The following DNM1 variants were observed in gnomAD, a reference collection of about 807,000 sequenced individuals.
DNM1 encodes dynamin-1.
A neutral mutation model predicts 104.6 loss-of-function variants in DNM1; 29 were observed. That is an observed-to-expected ratio of 0.28 (90% CI 0.21 to 0.38). DNM1 has a LOEUF of 0.38. Ranked by LOEUF, DNM1 falls within the 10% of genes least tolerant of loss-of-function variation. The probability of loss-of-function intolerance (pLI) is 1.00; values close to 1 mark genes in which losing one functional copy is unlikely to be tolerated. For missense variants in DNM1, 640 were observed against 1,189.4 expected, an observed-to-expected ratio of 0.54 and a Z score of 6.79; for synonymous variants, 445 against 475.8, an observed-to-expected ratio of 0.94 and a Z score of 0.84.
chr9:128,215,419 C>T (rs1273956780), intron 1 of DNM1, among the ~76,000 whole-genome samples: 2 of 152,250 alleles, frequency 1.3e-5, no homozygotes, highest in East Asian at 1.9e-4. Flanking sequence ...ATGCAGGCCG[C>T]GTGAGGGCCT....
chr9:128,242,458 T>C, intron 15 of DNM1, 113 bp downstream of exon 15: 1 of 621,170 alleles, frequency 1.6e-6, no homozygotes, highest in Non-Finnish European at 2.9e-6. Context: ...TTAAAATGTC[T>C]CGTCAAAGAT....
chr9:128,219,355 A>G (rs1588353350), intron 4 of DNM1, 103 bp downstream of exon 4: 1 of 1,051,880 alleles, frequency 9.5e-7, no homozygotes, highest in East Asian at 2.4e-5. Flanking sequence ...TAGCGGTGGG[A>G]TCAGATTTGT....
chr9:128,228,039 GT>G (rs1208971409), intron 10 of DNM1, among the ~76,000 whole-genome samples: 1 of 151,396 alleles, frequency 6.6e-6, no homozygotes, highest in Non-Finnish European at 1.5e-5. Flanking sequence ...TTGTTTGTTT[GT>G]TTGTTTTTGG....
intron 1 of DNM1, among the ~76,000 whole-genome samples, chr9:128,208,004 C>T (rs1382687969): frequency 6.6e-6 from 1 of 151,960 alleles, no homozygotes. Context: ...CCCCCACCCC[C>T]AGGCTTTCTG....
At position 128,220,883 on chromosome 9, in the gene DNM1, TG is replaced by T. The variant is rs1453606036; in HGVS notation, c.849+543del. 6.5e-5 allele frequency among the ~76,000 whole-genome samples: 9 copies of T among 138,156 alleles called. No homozygotes were observed. The highest frequency in any genetic ancestry group is 1.3e-4 in the African/African-American group (5 of 37,330). The allele number at this position is 138,156 out of a possible 152,430, so 90.6% of individuals were successfully genotyped here. On this transcript the variant is annotated intron_variant, in intron 6 of 21. Transcript: ENST00000372923. This position sits in a 1 kb window ranked among gnomAD's most constrained non-coding sequence, Gnocchi z 5.2. ...AGCCTCTATTTCTTTTTTCTTTATT[TG>T]TTTTCTTTCTTTCTTTCTTTCTTTC...
rs1835255129 is a variant in DNM1, at chr9:128,224,972, A to G, written c.1335+583A>G. On this transcript the variant is annotated intron_variant, in intron 10 of 21. Coordinates refer to ENST00000372923, the MANE Select transcript of DNM1 (RefSeq NM_004408.4). This position sits in a 1 kb window ranked among gnomAD's most constrained non-coding sequence, Gnocchi z 4.3. ...GGGCCTCTCCCTCCCTTCCATCCAC[A>G]TCTGGCTTTCCAGGGATAGAGCCCT... Among the ~76,000 whole-genome samples the G allele has an allele frequency of 6.6e-6, 1 of 151,970 alleles. No individual in the cohort carries two copies. Among genetic ancestry groups the G allele is most frequent in the African/African-American group, 2.4e-5 (1 of 41,372 alleles).
In DNM1 at chr9:128,218,683, A is replaced by C; in HGVS notation, c.337A>C (p.Lys113Gln). ...AETDRVTGTNKGISPVPINLR... is the reference protein window; with the variant it reads ...AETDRVTGTNQGISPVPINLR... ...GACCGACAGGGTCACCGGCACCAAC[A>C]AGGGCATCTCGCCGGTGCCTATCAA... Residue 113 changes from lysine (K) to glutamine (Q), a missense_variant, in exon 3 of 22, where the codon AAG becomes CAG. Coordinates refer to ENST00000372923, the MANE Select transcript of DNM1 (RefSeq NM_004408.4). The surrounding 1 kb of genome is among the most constrained non-coding windows in gnomAD (Gnocchi z 4.8). 6.2e-7 allele frequency: 1 copy of C among 1,612,456 alleles called. No homozygotes were observed. The highest frequency in any genetic ancestry group is 8.5e-7 in the Non-Finnish European group (1 of 1,178,940).
rs754950978 is a variant in DNM1 at position 128,220,740 on chromosome 9, C to CGTGTGTGTGT, written c.849+400_849+401insTGTGTGTGTG. On this transcript the variant is annotated intron_variant, in intron 6 of 21. Transcript: ENST00000372923. This position sits in a 1 kb window ranked among gnomAD's most constrained non-coding sequence, Gnocchi z 5.2. ...TCCAGAACTGAAGTGCGCGCGCGCGCGCGTGTGTGTGTGTGTGTGTGTGTG... is the reference window on the plus strand; with the variant it reads ...TCCAGAACTGAAGTGCGCGCGCGCGCGTGTGTGTGTGCGTGTGTGTGTGTGTGTGTGTGTG... 0.056 allele frequency among the ~76,000 whole-genome samples: 7,005 copies of CGTGTGTGTGT among 125,392 alleles called. 200 individuals are homozygous for CGTGTGTGTGT. The highest frequency in any genetic ancestry group is 0.16 in the East Asian group (492 of 3,124). The allele number at this position is 125,392 out of a possible 152,430, so 82.3% of individuals were successfully genotyped here. A position where few individuals can be genotyped will look rare whatever the true frequency, so the allele number is the denominator to read the frequency against.
chr9:128,226,959 C>G (rs1156361013), intron 10 of DNM1, among the ~76,000 whole-genome samples: 3 of 151,454 alleles, frequency 2.0e-5, no homozygotes, highest in Non-Finnish European at 4.4e-5. Context: ...TGGGTGGAGG[C>G]ACATCCACCT....
At position 128,234,116 on chromosome 9, in the gene DNM1, C is replaced by G. The variant is rs760832551; in HGVS notation, c.1422+9C>G. On this transcript the variant is annotated intron_variant, in intron 11 of 21. Transcript: ENST00000372923. ...GCCGCACTAAGGAGCAGGTGAGCCCCGCAGCACCCGGCCTGGCCGCGCCTT... is the reference window on the plus strand; with the variant it reads ...GCCGCACTAAGGAGCAGGTGAGCCCGGCAGCACCCGGCCTGGCCGCGCCTT... The G allele has an allele frequency of 1.3e-6, 2 of 1,529,826 alleles. No individual in the cohort carries two copies. Among genetic ancestry groups the G allele is most frequent in the Non-Finnish European group, 1.8e-6 (2 of 1,134,774 alleles). The allele number at this position is 1,529,826 out of a possible 1,614,324, so 94.8% of individuals were successfully genotyped here. A position where few individuals can be genotyped will look rare whatever the true frequency, so the allele number is the denominator to read the frequency against.
chr9:128,223,199 G>A (rs1408321489), intron 9 of DNM1: 2 of 314,316 alleles, frequency 6.4e-6, no homozygotes, highest in East Asian at 7.6e-5. Context: ...CCACTACGAG[G>A]GCCTGGGGTG....
chr9:128,220,598 G>C lies in DNM1; in HGVS notation c.849+257G>C, dbSNP rs992579134. On this transcript the variant is annotated intron_variant, in intron 6 of 21. Transcript: ENST00000372923. This position sits in a 1 kb window ranked among gnomAD's most constrained non-coding sequence, Gnocchi z 5.2. ...CAGAGAAGGCCAAGACCTATGTGGA[G>C]GGTGTCATGGGGAAGAGCTTGGGTT... Among the ~76,000 whole-genome samples, 25 of 152,228 alleles carry C rather than the reference G, an allele frequency of 1.6e-4. No individual in the cohort carries two copies. Among genetic ancestry groups the C allele is most frequent in the Non-Finnish European group, 7.3e-5 (5 of 68,034 alleles).
chr9:128,246,975 G>A lies in DNM1; in HGVS notation c.1782-400G>A, dbSNP rs545565309. 162 of 229,854 alleles carry A rather than the reference G, an allele frequency of 7.0e-4. 2 individuals carry two copies. In the South Asian group the frequency reaches 9.4e-3, roughly 13 times the overall value. 14.2% of individuals were successfully genotyped at this position (229,854 alleles called of 1,614,324 possible). ...CTAGTCCTCTTCCTTCCTGACCCAA[G>A]GCTGACTCTAGTGGGCCCTCTGCTA... On this transcript the variant is annotated intron_variant, in intron 16 of 21. Transcript: ENST00000372923.
At position 128,224,072 on chromosome 9, in the gene DNM1, A is replaced by C. The variant is rs138722278; in HGVS notation, c.1197-179A>C. Reference sequence around the variant, plus strand: ...TCAAAAAAAATAACAACAACAACAAAAAACCCTTCATTAGAACCCCTCCCT... The same window carrying C: ...TCAAAAAAAATAACAACAACAACAACAAACCCTTCATTAGAACCCCTCCCT... On this transcript the variant is annotated intron_variant, in intron 9 of 21. Coordinates refer to ENST00000372923, the MANE Select transcript of DNM1 (RefSeq NM_004408.4). This position sits in a 1 kb window ranked among gnomAD's most constrained non-coding sequence, Gnocchi z 4.3. The C allele has an allele frequency of 1.7e-3, 1,268 of 726,096 alleles. 10 individuals carry two copies. Among genetic ancestry groups the C allele is most frequent in the Middle Eastern group, 9.5e-3 (23 of 2,412 alleles). The allele number at this position is 726,096 out of a possible 1,614,324, so 45.0% of individuals were successfully genotyped here.
At chr9:128,229,625 C>T (rs1388494511) in intron 10 of DNM1, among the ~76,000 whole-genome samples, 2 of 108,382 alleles carry the variant, frequency 1.8e-5, no homozygotes, top group Non-Finnish European at 3.8e-5. Flanking sequence ...AAAAAAAAAG[C>T]TTGGCCAGGT....
rs753258177 is a variant in DNM1 at position 128,220,360 on chromosome 9, A to T, written c.849+19A>T. 3 of 1,611,866 alleles carry T rather than the reference A, an allele frequency of 1.9e-6. No homozygotes were observed. Among genetic ancestry groups the T allele is most frequent in the Admixed American group, 1.7e-5 (1 of 60,018 alleles). ...CAATCAGGTAGGCGACCAAGCCAGG[A>T]TGGGGCCTGGGGAAACAAGCATGAA... is the stretch of plus-strand genomic sequence containing the variant. On this transcript the variant is annotated intron_variant, in intron 6 of 21. Coordinates refer to ENST00000372923, the MANE Select transcript of DNM1 (RefSeq NM_004408.4). The surrounding 1 kb of genome is among the most constrained non-coding windows in gnomAD (Gnocchi z 5.2).
At position 128,250,728 on chromosome 9, in the gene DNM1, GC is replaced by G; in HGVS notation, c.2325del (p.Thr776ArgfsTer112). ...VQSVPAGRRSPTSSPTPQRRA... is the reference protein window; with the variant it reads ...VQSVPAGRRSXTSSPTPQRRA... Reference sequence around the variant, plus strand: ...CCTCGCTCCCTGTCGCCCTCAGGTCGCCCACGTCCAGCCCCACGCCGCAGCG... The same window carrying G: ...CCTCGCTCCCTGTCGCCCTCAGGTCGCCACGTCCAGCCCCACGCCGCAGCG... On this transcript the variant is annotated frameshift_variant, in exon 21 of 22. Transcript: ENST00000372923. LOFTEE classifies it high-confidence loss of function. 6.8e-7 allele frequency: 1 copy of G among 1,460,550 alleles called. No individual in the cohort carries two copies. The highest frequency in any genetic ancestry group is 9.0e-7 in the Non-Finnish European group (1 of 1,112,644). 90.5% of individuals were successfully genotyped at this position (1,460,550 alleles called of 1,614,324 possible). A position where few individuals can be genotyped will look rare whatever the true frequency, so the allele number is the denominator to read the frequency against.
At position 128,220,055 on chromosome 9, in the gene DNM1, G is replaced by A; in HGVS notation, c.657G>A (p.Val219=). The A allele has an allele frequency of 6.2e-7, 1 of 1,611,666 alleles. No homozygotes were observed. Among genetic ancestry groups the A allele is most frequent in the South Asian group, 1.1e-5 (1 of 90,786 alleles). Residue 219 remains valine, a synonymous_variant, in exon 5 of 22, where the codon GTG becomes GTA. Transcript: ENST00000372923. This position sits in a 1 kb window ranked among gnomAD's most constrained non-coding sequence, Gnocchi z 5.2. ...LMDEGTDARD[V]LENKLLPLRR... The stretch of plus-strand genomic sequence containing the variant: ...ACGAGGGCACAGATGCCCGTGATGT[G>A]CTGGAGAACAAGCTGCTCCCCCTGC...
At position 128,247,915 on chromosome 9, in the gene DNM1, G is replaced by T; in HGVS notation, c.1894-9G>T. 1 of 1,613,622 alleles carries T rather than the reference G, an allele frequency of 6.2e-7. No individual in the cohort carries two copies. Among genetic ancestry groups the T allele is most frequent in the East Asian group, 2.2e-5 (1 of 44,874 alleles). The stretch of plus-strand genomic sequence containing the variant: ...CGGCGGTGGCAATGTTGGTGTGTGG[G>T]CCTCCCAGGACAAAGAGAAAGTGAG... On this transcript the variant is annotated splice_polypyrimidine_tract_variant and intron_variant, in intron 17 of 21. Coordinates refer to ENST00000372923, the MANE Select transcript of DNM1 (RefSeq NM_004408.4). The surrounding 1 kb of genome is among the most constrained non-coding windows in gnomAD (Gnocchi z 5.1).
Sources: gnomAD v4.1 joint callset for allele counts (sites outside exome capture counted in the v4.1 genomes callset) on GRCh38, gnomAD v4.1.1 for gene constraint, Gnocchi (gnomAD v3.1) non-coding constraint, MANE v1.5 for transcripts, NCBI Gene and HGNC (gene_info 2026-07-23, HGNC 2026-07-21) for gene names.